Variants in GSAP observed in about 807,000 individuals in gnomAD.
GSAP encodes the protein gamma-secretase-activating protein.
GSAP carries 118 observed loss-of-function variants against 131.7 expected under a neutral mutation model. The observed-to-expected ratio is 0.90, with a 90% CI of 0.77 to 1.04. The LOEUF (loss-of-function observed/expected upper bound fraction) is 1.04. Among genes scored for constraint, GSAP ranks in the 50% least tolerant of loss-of-function variants. GSAP has a pLI of 0.00. For missense variants in GSAP, 1,019 were observed against 1,013.2 expected, an observed-to-expected ratio of 1.01 and a Z score of -0.08; for synonymous variants, 381 against 363.4, an observed-to-expected ratio of 1.05 and a Z score of -0.55.
chr7:77,316,642 T>C (rs1429401001), intron 26 of GSAP, among the ~76,000 whole-genome samples: 1 of 152,198 alleles, frequency 6.6e-6, no homozygotes, highest in Non-Finnish European at 1.5e-5. Context: ...ATTGATGATA[T>C]TGATTTTCTG....
At chr7:77,342,241 G>A (rs1430591884) in intron 19 of GSAP, among the ~76,000 whole-genome samples, 4 of 152,154 alleles carry the variant, frequency 2.6e-5, no homozygotes, top group Non-Finnish European at 4.4e-5. Flanking sequence ...TACAGTGGAA[G>A]GTAAGTCTGC....
intron 3 of GSAP, among the ~76,000 whole-genome samples, chr7:77,400,576 T>G (rs1438007700): frequency 6.6e-6 from 1 of 152,084 alleles, no homozygotes; most frequent in African/African-American, 2.4e-5. Context: ...CAGTAGTAGG[T>G]TGTACCACCA....
chr7:77,413,512 T>TG (rs1803680229), intron 1 of GSAP, among the ~76,000 whole-genome samples: 1 of 152,228 alleles, frequency 6.6e-6, no homozygotes, highest in African/African-American at 2.4e-5. Context: ...ATTCACACTA[T>TG]GGAACACTAT....
At chr7:77,333,480 C>T (rs868511683) in intron 19 of GSAP, among the ~76,000 whole-genome samples, 3 of 152,188 alleles carry the variant, frequency 2.0e-5, no homozygotes, top group Non-Finnish European at 2.9e-5. Flanking sequence ...ATTTAATTGG[C>T]TTGGGGTATG....
intron 19 of GSAP, among the ~76,000 whole-genome samples, chr7:77,333,704 G>A (rs1185453244): frequency 6.6e-6 from 1 of 152,206 alleles, no homozygotes; most frequent in Non-Finnish European, 1.5e-5. Flanking sequence ...TAAAGAGGTA[G>A]TTAGGGCCAA....
intron 19 of GSAP, among the ~76,000 whole-genome samples, chr7:77,334,214 A>G (rs1789597144): frequency 6.6e-6 from 1 of 152,222 alleles, no homozygotes; most frequent in African/African-American, 2.4e-5. Flanking sequence ...AAAATGTGGT[A>G]CATATACACC....
At chr7:77,402,981 G>C (rs1284151391) in intron 3 of GSAP, among the ~76,000 whole-genome samples, 2 of 152,090 alleles carry the variant, frequency 1.3e-5, no homozygotes, top group African/African-American at 4.8e-5. Flanking sequence ...CCACTCACAG[G>C]CAGTAAGCTA....
chr7:77,407,478 A>G (rs1802494713), intron 1 of GSAP, among the ~76,000 whole-genome samples: 1 of 152,178 alleles, frequency 6.6e-6, no homozygotes, highest in Non-Finnish European at 1.5e-5. Flanking sequence ...GTTGATATTT[A>G]TCATATTACT....
chr7:77,409,799 C>T (rs1408117440), intron 1 of GSAP, among the ~76,000 whole-genome samples: 1 of 152,142 alleles, frequency 6.6e-6, no homozygotes, highest in Non-Finnish European at 1.5e-5. Flanking sequence ...CTTGCAAAAG[C>T]GTATCTATTT....
At chr7:77,354,738 G>T (rs1196746048) in intron 16 of GSAP, among the ~76,000 whole-genome samples, 2 of 150,502 alleles carry the variant, frequency 1.3e-5, no homozygotes, top group Non-Finnish European at 2.9e-5. Context: ...CTGATAAAGA[G>T]ATTTTTCTGA....
intron 14 of GSAP, among the ~76,000 whole-genome samples, chr7:77,356,972 A>C (rs968766768): frequency 5.9e-5 from 9 of 152,218 alleles, no homozygotes; most frequent in Non-Finnish European, 1.0e-4. Flanking sequence ...CAATCATCTT[A>C]TTATAGCAAC....
In GSAP at chr7:77,313,488, C is replaced by T. The variant is rs765729067; in HGVS notation, c.2271G>A (p.Pro757=). The T allele has an allele frequency of 4.6e-6, 7 of 1,514,532 alleles. No individual in the cohort carries two copies. The highest frequency in any genetic ancestry group is 1.7e-5 in the Admixed American group (1 of 59,250). 93.8% of individuals were successfully genotyped at this position (1,514,532 alleles called of 1,614,324 possible). A position where few individuals can be genotyped will look rare whatever the true frequency, so the allele number is the denominator to read the frequency against. Residue 757 remains proline, a splice_region_variant and synonymous_variant, in exon 28 of 31, where the codon CCG becomes CCA. Coordinates refer to ENST00000257626, the MANE Select transcript of GSAP (RefSeq NM_017439.4). ...AAAATAAAATGTAACTCAGTATTACCGGAGGAAGCCGCACAATGATACTGA... is the reference window on the plus strand; with the variant it reads ...AAAATAAAATGTAACTCAGTATTACTGGAGGAAGCCGCACAATGATACTGA... The part of the protein sequence containing the change: ...LKFSIIVRLP[P]LIGQKICRLW...
intron 19 of GSAP, among the ~76,000 whole-genome samples, chr7:77,336,430 A>C (rs1395327027): frequency 6.6e-6 from 1 of 152,248 alleles, no homozygotes; most frequent in East Asian, 1.9e-4. Flanking sequence ...TAGGCTGAAG[A>C]CACCTCCATT....
intron 3 of GSAP, among the ~76,000 whole-genome samples, chr7:77,398,092 G>C (rs775461039): frequency 8.5e-5 from 13 of 152,124 alleles, no homozygotes; most frequent in Non-Finnish European, 1.6e-4. Flanking sequence ...TGTAGAGATT[G>C]AGGAACTAGA....
At chr7:77,333,143 G>A (rs1562923885) in intron 19 of GSAP, among the ~76,000 whole-genome samples, 1 of 152,154 alleles carries the variant, frequency 6.6e-6, no homozygotes, top group Non-Finnish European at 1.5e-5. Context: ...CTCCAGCGTG[G>A]CGACAGTGCG....
At chr7:77,396,234 T>C (rs752393649) in intron 5 of GSAP, among the ~76,000 whole-genome samples, 2 of 152,216 alleles carry the variant, frequency 1.3e-5, no homozygotes, top group South Asian at 2.1e-4. Flanking sequence ...AAATATTTCT[T>C]GGTTTCTATG....
chr7:77,323,059 C>T (rs1787882990), intron 24 of GSAP, among the ~76,000 whole-genome samples: 2 of 152,054 alleles, frequency 1.3e-5, no homozygotes, highest in Admixed American at 6.6e-5. Flanking sequence ...CAAGATCAGG[C>T]CTCAACTCTC....
At chr7:77,401,563 C>A (rs1450539161) in intron 3 of GSAP, among the ~76,000 whole-genome samples, 1 of 151,966 alleles carries the variant, frequency 6.6e-6, no homozygotes, top group East Asian at 1.9e-4. Context: ...GAAAATTTGT[C>A]ATCGGCATAG....
chr7:77,402,402 G>GA (rs56837016), intron 3 of GSAP, among the ~76,000 whole-genome samples: 4,368 of 121,326 alleles, frequency 0.036, 213 homozygotes, highest in African/African-American at 0.12. Context: ...AAAGAAAAAA[G>GA]AAAAAAAAAA....
Sources: gnomAD v4.1 joint callset for allele counts (sites outside exome capture counted in the v4.1 genomes callset) on GRCh38, gnomAD v4.1.1 for gene constraint, MANE v1.5 for transcripts, NCBI Gene and HGNC (gene_info 2026-07-23, HGNC 2026-07-21) for gene names.